The following BANK1 variants were observed in gnomAD, a reference collection of about 807,000 sequenced individuals.
The protein encoded by BANK1 is B-cell scaffold protein with ankyrin repeats.
Under a neutral mutation model 94.5 loss-of-function variants are expected in BANK1, and 95 were observed. That is an observed-to-expected ratio of 1.00 (90% confidence interval 0.85 to 1.19). BANK1 has a LOEUF of 1.19. Ranked by LOEUF, BANK1 falls within the 50% of genes most tolerant of loss-of-function variation. The pLI, the probability that BANK1 is intolerant of heterozygous loss-of-function variation, is 0.00. For synonymous variants in BANK1, 334 were observed against 308.4 expected (o/e 1.08, Z -0.87); for missense variants, 987 against 932.2 (o/e 1.06, Z -0.77).
chr4:102,037,602 G>A (rs1033434180), intron 10 of BANK1, among the ~76,000 whole-genome samples: 3 of 152,166 alleles, frequency 2.0e-5, no homozygotes, highest in Non-Finnish European at 4.4e-5. Context: ...CAGCAGCATT[G>A]TGTAGTGAAA....
chr4:101,816,549 C>A (rs1725923581), intron 1 of BANK1, among the ~76,000 whole-genome samples: 1 of 145,332 alleles, frequency 6.9e-6, no homozygotes, highest in Admixed American at 6.9e-5. Flanking sequence ...GAAACTAATG[C>A]CATGCTTCTT....
Position 102,010,408 on chromosome 4 carries a change from T to G in BANK1, c.1207-11106T>G, listed in dbSNP as rs1186139049. On this transcript the variant is annotated intron_variant, in intron 7 of 16. Coordinates refer to ENST00000322953, the MANE Select transcript of BANK1 (RefSeq NM_017935.5). Reference sequence around the variant, plus strand: ...ATTAATTTCTTTTTTTTTTTTTTTTTTGGGACGGAGTTTCACTTTTGTCAG... The same window carrying G: ...ATTAATTTCTTTTTTTTTTTTTTTTGTGGGACGGAGTTTCACTTTTGTCAG... 5.3e-5 allele frequency among the ~76,000 whole-genome samples: 8 copies of G among 151,292 alleles called. No homozygotes were observed. In the South Asian group the frequency reaches 8.4e-4, roughly 16 times the overall value.
rs113445253 is a variant in BANK1 at position 102,029,827 on chromosome 4, G to A, written c.1595-133G>A. 2.5e-3 allele frequency: 1,778 copies of A among 720,238 alleles called. 20 individuals carry two copies. In the African/African-American group the frequency reaches 0.027, roughly 11 times the overall value. 44.6% of individuals were successfully genotyped at this position (720,238 alleles called of 1,614,324 possible). A position where few individuals can be genotyped will look rare whatever the true frequency, so the allele number is the denominator to read the frequency against. On this transcript the variant is annotated intron_variant, in intron 9 of 16. Transcript: ENST00000322953. The stretch of plus-strand genomic sequence containing the variant: ...ATATAAATTATTCTCCTGGAGTCAC[G>A]AGCTCTTCTCTAATACTGTTTCCTA...
At chr4:102,030,772 T>C (rs941385244) in intron 10 of BANK1, among the ~76,000 whole-genome samples, 1 of 152,130 alleles carries the variant, frequency 6.6e-6, no homozygotes, top group Non-Finnish European at 1.5e-5. Context: ...CATGAACTCA[T>C]CCTTTTTTAT....
At chr4:102,025,547 G>T in intron 9 of BANK1, 38 bp downstream of exon 9, 1 of 1,583,172 alleles carries the variant, frequency 6.3e-7, no homozygotes, top group Non-Finnish European at 8.6e-7. Flanking sequence ...ACAAAACAAA[G>T]ACAAATCTTT....
At chr4:101,911,234 G>A (rs1013877394) in intron 6 of BANK1, among the ~76,000 whole-genome samples, 16 of 152,086 alleles carry the variant, frequency 1.1e-4, no homozygotes, top group African/African-American at 3.6e-4. Flanking sequence ...GCATGAGCTC[G>A]GGGTGTCATT....
intron 5 of BANK1, among the ~76,000 whole-genome samples, chr4:101,874,598 G>C (rs1728417429): frequency 6.6e-6 from 1 of 152,140 alleles, no homozygotes; most frequent in African/African-American, 2.4e-5. Context: ...ACTTTCAGTG[G>C]CTTACTGGAT....
At chr4:101,828,499 C>T (rs1726467541) in intron 1 of BANK1, among the ~76,000 whole-genome samples, 1 of 151,414 alleles carries the variant, frequency 6.6e-6, no homozygotes, top group South Asian at 2.1e-4. Context: ...TAATTCTACC[C>T]TAAAATATTC....
chr4:101,910,146 A>C (rs1303675870), intron 6 of BANK1, among the ~76,000 whole-genome samples: 2 of 152,072 alleles, frequency 1.3e-5, no homozygotes, highest in South Asian at 4.2e-4. Context: ...GATATGTTAA[A>C]ATTCAGATTG....
chr4:101,977,129 A>G (rs1190440703), intron 7 of BANK1: 2 of 152,144 alleles, frequency 1.3e-5, no homozygotes, highest in East Asian at 1.9e-4. Context: ...CAGAATTCTC[A>G]GTGGCTAAAG....
intron 6 of BANK1, among the ~76,000 whole-genome samples, chr4:101,914,663 A>T (rs529095918): frequency 6.6e-6 from 1 of 152,236 alleles, no homozygotes; most frequent in African/African-American, 2.4e-5. Context: ...ACCTTGCTTT[A>T]TGTGTGTTTC....
chr4:102,066,148 A>G (rs1728583359), intron 13 of BANK1, among the ~76,000 whole-genome samples: 1 of 152,212 alleles, frequency 6.6e-6, no homozygotes, highest in Admixed American at 6.5e-5. Flanking sequence ...GCCAAGGTAA[A>G]AAGAAATTCT....
intron 7 of BANK1, among the ~76,000 whole-genome samples, chr4:102,009,166 C>T (rs1266138427): frequency 6.6e-6 from 1 of 152,210 alleles, no homozygotes; most frequent in Non-Finnish European, 1.5e-5. Context: ...TACTTATCCC[C>T]ATGTGTGCTC....
chr4:101,807,977 CG>C (rs758768079), intron 1 of BANK1, among the ~76,000 whole-genome samples: 33 of 150,902 alleles, frequency 2.2e-4, no homozygotes, highest in Non-Finnish European at 4.4e-4. Context: ...CCCAGCTACT[CG>C]GGAGAGTGAG....
chr4:101,846,543 G>A (rs1204804144), intron 2 of BANK1, among the ~76,000 whole-genome samples: 1 of 152,124 alleles, frequency 6.6e-6, no homozygotes, highest in African/African-American at 2.4e-5. Context: ...TTTTAAGACT[G>A]GGTAATTTAA....
chr4:101,913,922 T>C (rs1489801342), intron 6 of BANK1, among the ~76,000 whole-genome samples: 1 of 152,218 alleles, frequency 6.6e-6, no homozygotes, highest in Non-Finnish European at 1.5e-5. Flanking sequence ...GCAGGTGCTT[T>C]GGATGACAGA....
Position 101,877,974 on chromosome 4 carries a change from A to C in BANK1, c.903+7330A>C, listed in dbSNP as rs574904134. On this transcript the variant is annotated intron_variant, in intron 5 of 16. Transcript: ENST00000322953. The stretch of plus-strand genomic sequence containing the variant: ...GGGCACACAAAACAAATACAAAACA[A>C]GAAACTAAATTATATCACAGAGGAA... Among the ~76,000 whole-genome samples the C allele has an allele frequency of 1.7e-4, 26 of 152,310 alleles. 1 individual carries two copies. The South Asian group carries it at 5.2e-3, about 30-fold the overall frequency.
intron 11 of BANK1, among the ~76,000 whole-genome samples, chr4:102,044,502 G>A (rs1727812981): frequency 6.8e-6 from 1 of 147,072 alleles, no homozygotes; most frequent in Non-Finnish European, 1.5e-5. Context: ...ACGTGTGCAT[G>A]TGTCTTTATA....
chr4:101,902,142 C>T (rs900161900), intron 6 of BANK1, among the ~76,000 whole-genome samples: 6 of 152,094 alleles, frequency 3.9e-5, no homozygotes, highest in African/African-American at 1.4e-4. Flanking sequence ...GAAAATGTGA[C>T]CTGGAAAGAT....
Sources: gnomAD v4.1 joint callset for allele counts (sites outside exome capture counted in the v4.1 genomes callset) on GRCh38, gnomAD v4.1.1 for gene constraint, MANE v1.5 for transcripts, NCBI Gene and HGNC (gene_info 2026-07-23, HGNC 2026-07-21) for gene names.